Variants in KIF1A observed in about 807,000 individuals in gnomAD.
KIF1A encodes kinesin family member 1A.
Under a neutral mutation model 227.3 loss-of-function variants are expected in KIF1A, and 46 were observed. The ratio of observed to expected loss-of-function variants is 0.20; its 90% CI spans 0.16 to 0.26. The LOEUF is 0.26. Among genes scored for constraint, KIF1A ranks in the 10% least tolerant of loss-of-function variants. KIF1A has a pLI of 1.00. For synonymous variants in KIF1A, 1,022 were observed against 1,012.8 expected (o/e 1.01, Z -0.17); for missense variants, 1,683 against 2,485.9 (o/e 0.68, Z 6.87).
chr2:240,798,053 A>C, intron 1 of KIF1A: 1 of 291,358 alleles, frequency 3.4e-6, no homozygotes. Flanking sequence ...AACAAAAGAA[A>C]CAGAAACACA....
At position 240,715,636 on chromosome 2, in the gene KIF1A, A is replaced by C. The variant is rs746588133; in HGVS notation, c.*1728T>G. On this transcript the variant is annotated 3_prime_UTR_variant, in exon 49 of 49. Coordinates refer to ENST00000498729, the MANE Select transcript of KIF1A (RefSeq NM_001244008.2). ...AACAACCTTCCCAAAGGAAAACCTC[A>C]TGCCAGAGCCTTCCCATGTGGTGTA... 1.3e-5 allele frequency: 2 copies of C among 152,420 alleles called. No homozygotes were observed. The highest frequency in any genetic ancestry group is 2.9e-5 in the Non-Finnish European group (2 of 68,098). 9.4% of individuals were successfully genotyped at this position (152,420 alleles called of 1,614,324 possible). A position where few individuals can be genotyped will look rare whatever the true frequency, so the allele number is the denominator to read the frequency against.
At chr2:240,804,524 C>G (rs553203605) in intron 1 of KIF1A, among the ~76,000 whole-genome samples, 2 of 152,220 alleles carry the variant, frequency 1.3e-5, no homozygotes, top group South Asian at 4.1e-4. Context: ...TTTGGTTTCA[C>G]CTGCTGTGGG....
At chr2:240,779,608 ACAGTTC>A (rs2053322166) in intron 10 of KIF1A, among the ~76,000 whole-genome samples, 1 of 142,332 alleles carries the variant, frequency 7.0e-6, no homozygotes, top group African/African-American at 2.7e-5. Flanking sequence ...TCAGTTCCTC[ACAGTTC>A]CTCACTCAGT....
chr2:240,734,958 C>A (rs563018075), intron 38 of KIF1A, among the ~76,000 whole-genome samples: 2 of 152,300 alleles, frequency 1.3e-5, no homozygotes, highest in South Asian at 4.1e-4. Context: ...AGCCGGGGAT[C>A]CTGAGCCTCC....
chr2:240,717,183 C>T lies in KIF1A; in HGVS notation c.*181G>A. 7.1e-6 allele frequency: 4 copies of T among 567,212 alleles called. No homozygotes were observed. The allele number at this position is 567,212 out of a possible 1,614,324, so 35.1% of individuals were successfully genotyped here. On this transcript the variant is annotated 3_prime_UTR_variant, in exon 49 of 49. Coordinates refer to ENST00000498729, the MANE Select transcript of KIF1A (RefSeq NM_001244008.2). ...CAAGAAGAACTGACACGCACAGCCT[C>T]TGCTGGGAGCACAGCTGGTCGTGTG...
Position 240,739,974 on chromosome 2 carries a change from A to C in KIF1A, c.3901+84T>G. On this transcript the variant is annotated intron_variant, in intron 37 of 48. Coordinates refer to ENST00000498729, the MANE Select transcript of KIF1A (RefSeq NM_001244008.2). This position sits in a 1 kb window ranked among gnomAD's most constrained non-coding sequence, Gnocchi z 5.6. ...CAGCAACAGACGCAGAGGTGTGGTTAGAACCCGGGTATCCAGCTCAGGGCC... is the reference window on the plus strand; with the variant it reads ...CAGCAACAGACGCAGAGGTGTGGTTCGAACCCGGGTATCCAGCTCAGGGCC... 9.5e-7 allele frequency: 1 copy of C among 1,054,770 alleles called. No homozygotes were observed. The highest frequency in any genetic ancestry group is 1.4e-6 in the Non-Finnish European group (1 of 698,298). The allele number at this position is 1,054,770 out of a possible 1,614,324, so 65.3% of individuals were successfully genotyped here.
chr2:240,761,117 A>C, intron 24 of KIF1A, 112 bp downstream of exon 24: 1 of 1,279,978 alleles, frequency 7.8e-7, no homozygotes, highest in Non-Finnish European at 1.1e-6. Flanking sequence ...CTGCTATGCC[A>C]CCCCCGGGGC....
intron 16 of KIF1A, 101 bp downstream of exon 16, chr2:240,769,526 G>T: frequency 1.0e-6 from 1 of 964,256 alleles, no homozygotes; most frequent in Non-Finnish European, 1.6e-6. Context: ...CATGGTGCAG[G>T]TGCCCAGCAC....
chr2:240,792,238 T>G lies in KIF1A; in HGVS notation c.107-2926A>C, dbSNP rs1278345009. On this transcript the variant is annotated intron_variant, in intron 2 of 48. Transcript: ENST00000498729. The surrounding 1 kb of genome is among the most constrained non-coding windows in gnomAD (Gnocchi z 4.5). ...CAGCAGCCTGCTTCTCACAGAGACC[T>G]CCCCGATTCTGCTGGAGAAAGGGCT... is the stretch of plus-strand genomic sequence containing the variant. Among the ~76,000 whole-genome samples the G allele has an allele frequency of 6.6e-6, 1 of 152,064 alleles. No homozygotes were observed. Among genetic ancestry groups the G allele is most frequent in the Non-Finnish European group, 1.5e-5 (1 of 67,990 alleles).
intron 1 of KIF1A, among the ~76,000 whole-genome samples, chr2:240,799,036 G>A (rs752677932): frequency 9.9e-5 from 15 of 152,210 alleles, no homozygotes; most frequent in Non-Finnish European, 2.1e-4. Flanking sequence ...CCACCCTTGG[G>A]GGAATCTGGC....
intron 1 of KIF1A, among the ~76,000 whole-genome samples, chr2:240,819,645 C>T (rs1023135357): frequency 4.0e-5 from 6 of 151,872 alleles, no homozygotes; most frequent in African/African-American, 1.2e-4. Context: ...CGCGCACCCT[C>T]CCAGGTGCGG....
chr2:240,740,304 G>A lies in KIF1A; in HGVS notation c.3810C>T (p.Leu1270=), dbSNP rs542607961. ...GGMPCMGTFL[L]HQGIQRRITV... The stretch of plus-strand genomic sequence containing the variant: ...GGGCAAGAGGGGCTCACACCTGGTG[G>A]AGGAGGAAGGTCCCCATGCATGGCA... Residue 1270 remains leucine (L), a synonymous_variant, in exon 36 of 49, where the codon CTC becomes CTT. Transcript: ENST00000498729. This position sits in a 1 kb window ranked among gnomAD's most constrained non-coding sequence, Gnocchi z 6.1. 4.3e-6 allele frequency: 7 copies of A among 1,613,376 alleles called. No homozygotes were observed. In the African/African-American group the frequency reaches 8.0e-5, roughly 18 times the overall value.
At chr2:240,782,089 C>T (rs943676551) in intron 10 of KIF1A, 2 of 985,280 alleles carry the variant, frequency 2.0e-6, no homozygotes, top group African/African-American at 1.7e-5. Flanking sequence ...GCTGCCCACG[C>T]GGTTCCTCAC....
Position 240,782,470 on chromosome 2 carries a change from C to G in KIF1A, c.882+120G>C. ...TCTTCCTTCCCGGGATCCACCCCCA[C>G]GTCCCCCATCTCCCAGCGCACTCAC... On this transcript the variant is annotated intron_variant, in intron 10 of 48. Transcript: ENST00000498729. The G allele has an allele frequency of 2.3e-5, 26 of 1,116,134 alleles. 1 individual carries two copies. Among genetic ancestry groups the G allele is most frequent in the Non-Finnish European group, 3.0e-5 (23 of 771,874 alleles). The allele number at this position is 1,116,134 out of a possible 1,614,324, so 69.1% of individuals were successfully genotyped here. A position where few individuals can be genotyped will look rare whatever the true frequency, so the allele number is the denominator to read the frequency against.
In KIF1A at chr2:240,725,266, C is replaced by T. The variant is rs762550114; in HGVS notation, c.4256+5G>A. Reference sequence around the variant, plus strand: ...TCCATGTGGTCCTCACCCCTGGGAGCTTACCTCTCTGAGGCCCGAAGGCTC... The same window carrying T: ...TCCATGTGGTCCTCACCCCTGGGAGTTTACCTCTCTGAGGCCCGAAGGCTC... On this transcript the variant is annotated splice_donor_5th_base_variant and intron_variant, in intron 40 of 48. Transcript: ENST00000498729. The surrounding 1 kb of genome is among the most constrained non-coding windows in gnomAD (Gnocchi z 5.8). The T allele has an allele frequency of 1.1e-5, 17 of 1,595,304 alleles. No individual in the cohort carries two copies. The highest frequency in any genetic ancestry group is 1.5e-5 in the Non-Finnish European group (17 of 1,171,692).
chr2:240,784,072 C>A (rs557907301), intron 7 of KIF1A, among the ~76,000 whole-genome samples: 2 of 152,212 alleles, frequency 1.3e-5, no homozygotes, highest in Non-Finnish European at 2.9e-5. Flanking sequence ...TGCCACCACA[C>A]GCTGGGTGGT....
At chr2:240,797,380 A>G (rs377303390) in intron 2 of KIF1A, among the ~76,000 whole-genome samples, 6 of 152,140 alleles carry the variant, frequency 3.9e-5, no homozygotes, top group African/African-American at 1.4e-4. Flanking sequence ...GGTCCTCCCT[A>G]GGAGCTCAGA....
intron 8 of KIF1A, among the ~76,000 whole-genome samples, chr2:240,783,481 C>A (rs1430162068): frequency 6.6e-6 from 1 of 152,220 alleles, no homozygotes; most frequent in East Asian, 1.9e-4. Flanking sequence ...GAAGACCTGG[C>A]CTCTGGGCGC....
In KIF1A at chr2:240,789,485, C is replaced by T. The variant is rs890191359; in HGVS notation, c.107-173G>A. Reference sequence around the variant, plus strand: ...CTCCCAGGCAGATGAGCTGTCTCTGCCCCCTCCTTATGGTGGACGCTGCCA... The same window carrying T: ...CTCCCAGGCAGATGAGCTGTCTCTGTCCCCTCCTTATGGTGGACGCTGCCA... On this transcript the variant is annotated intron_variant, in intron 2 of 48. Transcript: ENST00000498729. This position sits in a 1 kb window ranked among gnomAD's most constrained non-coding sequence, Gnocchi z 4.8. Among the ~76,000 whole-genome samples, 2 of 152,198 alleles carry T rather than the reference C, an allele frequency of 1.3e-5. No individual in the cohort carries two copies. The highest frequency in any genetic ancestry group is 4.8e-5 in the African/African-American group (2 of 41,450).
Sources: gnomAD v4.1 joint callset for allele counts (sites outside exome capture counted in the v4.1 genomes callset) on GRCh38, gnomAD v4.1.1 for gene constraint, Gnocchi (gnomAD v3.1) non-coding constraint, MANE v1.5 for transcripts, NCBI Gene and HGNC (gene_info 2026-07-23, HGNC 2026-07-21) for gene names.